Variants in DNAAF9 observed in about 807,000 individuals in gnomAD.
DNAAF9 encodes shulin.
Under a neutral mutation model 167.0 loss-of-function variants are expected in DNAAF9, and 90 were observed. The observed-to-expected ratio is 0.54, with a 90% confidence interval of 0.45 to 0.64. The LOEUF (loss-of-function observed/expected upper bound fraction) is 0.64, where lower values mean the gene tolerates loss of function less well. Ranked by LOEUF, DNAAF9 falls within the 30% of genes least tolerant of loss-of-function variation. The pLI, the probability that DNAAF9 is intolerant of heterozygous loss-of-function variation, is 0.00. For synonymous variants in DNAAF9, 491 were observed against 508.8 expected (o/e 0.96, Z 0.47); for missense variants, 1,315 against 1,442.2 (o/e 0.91, Z 1.43).
intron 1 of DNAAF9, among the ~76,000 whole-genome samples, chr20:3,397,031 G>C (rs1247699636): frequency 6.6e-6 from 1 of 152,138 alleles, no homozygotes; most frequent in Non-Finnish European, 1.5e-5. Context: ...CAGACTGCTT[G>C]AGCCCAGGAG....
intron 7 of DNAAF9, among the ~76,000 whole-genome samples, chr20:3,355,475 T>C (rs1296078061): frequency 6.6e-6 from 1 of 151,848 alleles, no homozygotes; most frequent in Non-Finnish European, 1.5e-5. Flanking sequence ...CTCAGGAGGC[T>C]GAGGTATGAG....
chr20:3,373,631 TACAAACAACAACAAG>T (rs2083538460), intron 6 of DNAAF9, among the ~76,000 whole-genome samples: 1 of 152,228 alleles, frequency 6.6e-6, no homozygotes, highest in Admixed American at 6.5e-5. Flanking sequence ...ATTTCTGAGG[TACAAACAACAACAAG>T]TTATGTTTTT....
intron 27 of DNAAF9, among the ~76,000 whole-genome samples, chr20:3,283,261 G>A (rs2068792055): frequency 6.6e-6 from 1 of 152,234 alleles, no homozygotes; most frequent in African/African-American, 2.4e-5. Context: ...GGAAGCCAGT[G>A]GTGGTGGTAT....
intron 33 of DNAAF9, among the ~76,000 whole-genome samples, chr20:3,256,986 G>C (rs942194230): frequency 6.6e-6 from 1 of 152,092 alleles, no homozygotes; most frequent in Non-Finnish European, 1.5e-5. Context: ...GGGCAACAGA[G>C]CAAGACCCTG....
intron 6 of DNAAF9, among the ~76,000 whole-genome samples, chr20:3,368,276 T>C (rs368457313): frequency 5.3e-5 from 8 of 152,298 alleles, no homozygotes; most frequent in Admixed American, 3.3e-4. Flanking sequence ...CTATGCTGTG[T>C]CTGGAAACTT....
At chr20:3,283,921 A>T (rs1467917217) in intron 27 of DNAAF9, among the ~76,000 whole-genome samples, 4 of 152,114 alleles carry the variant, frequency 2.6e-5, no homozygotes, top group Non-Finnish European at 5.9e-5. Context: ...TTTTCAGAGC[A>T]TTTCATTAAT....
At chr20:3,259,614 A>C in intron 32 of DNAAF9, 60 bp from the exon 33 acceptor site, 1 of 1,204,556 alleles carries the variant, frequency 8.3e-7, no homozygotes, top group Non-Finnish European at 1.2e-6. Flanking sequence ...AATTCAGGAC[A>C]GCACAGCTGG....
At chr20:3,279,010 T>C (rs2122850535) in intron 28 of DNAAF9, 61 bp from the exon 29 acceptor site, 5 of 1,239,032 alleles carry the variant, frequency 4.0e-6, no homozygotes, top group Middle Eastern at 3.8e-4. Flanking sequence ...TCACTGATTA[T>C]TTCCCATACA....
intron 27 of DNAAF9, among the ~76,000 whole-genome samples, chr20:3,284,634 GA>G (rs1256181615): frequency 6.6e-6 from 1 of 152,078 alleles, no homozygotes; most frequent in Non-Finnish European, 1.5e-5. Context: ...TCTTTTCTCT[GA>G]AACAACAGAT....
chr20:3,294,422 T>A, intron 24 of DNAAF9, 106 bp downstream of exon 24: 1 of 828,002 alleles, frequency 1.2e-6, no homozygotes, highest in Admixed American at 2.2e-5. Context: ...TTTACAGTGA[T>A]CTCTAAGAAA....
intron 6 of DNAAF9, chr20:3,361,753 A>C (rs943755445): frequency 1.5e-4 from 132 of 885,572 alleles, no homozygotes; most frequent in Non-Finnish European, 1.5e-4. Flanking sequence ...CTTCCTTTGA[A>C]TGGGAGCTTC....
intron 1 of DNAAF9, among the ~76,000 whole-genome samples, chr20:3,392,064 C>CT (rs1376672184): frequency 6.6e-6 from 1 of 152,174 alleles, no homozygotes; most frequent in African/African-American, 2.4e-5. Flanking sequence ...GTCCCAACTA[C>CT]TTAGGAGGTT....
intron 26 of DNAAF9, among the ~76,000 whole-genome samples, chr20:3,288,425 G>A (rs1190855682): frequency 7.9e-5 from 12 of 152,146 alleles, no homozygotes; most frequent in Non-Finnish European, 1.2e-4. Context: ...ACTCCAGCCT[G>A]GGCAACAAGA....
At chr20:3,277,084 T>C (rs2068687084) in intron 29 of DNAAF9, among the ~76,000 whole-genome samples, 1 of 152,040 alleles carries the variant, frequency 6.6e-6, no homozygotes, top group African/African-American at 2.4e-5. Flanking sequence ...TCTCTAGCCA[T>C]CTTCCTTTTT....
rs1435998224 is a variant in DNAAF9, at chr20:3,339,501, ATTC to A, written c.981+1000_981+1002del. ...GCCAGGGACTTCAAATCCCTCTAGT[ATTC>A]TTCTATTTTTCTTCCCCATTTTTCT... On this transcript the variant is annotated intron_variant, in intron 10 of 36. Coordinates refer to ENST00000252032, the MANE Select transcript of DNAAF9 (RefSeq NM_001009984.3). Among the ~76,000 whole-genome samples the A allele has an allele frequency of 3.3e-5, 5 of 152,222 alleles. No individual in the cohort carries two copies. The East Asian group carries it at 5.8e-4, about 18-fold the overall frequency.
intron 30 of DNAAF9, among the ~76,000 whole-genome samples, chr20:3,266,209 G>T (rs2068487429): frequency 6.6e-6 from 1 of 152,178 alleles, no homozygotes; most frequent in Non-Finnish European, 1.5e-5. Context: ...GAGGTACAGG[G>T]TATCAGTTTG....
chr20:3,396,701 T>C (rs2083912080), intron 1 of DNAAF9, among the ~76,000 whole-genome samples: 1 of 151,432 alleles, frequency 6.6e-6, no homozygotes, highest in African/African-American at 2.4e-5. Flanking sequence ...CTGAAGGGAG[T>C]GTCACTGAGC....
intron 7 of DNAAF9, among the ~76,000 whole-genome samples, chr20:3,354,037 T>C (rs531860280): frequency 6.6e-6 from 1 of 152,316 alleles, no homozygotes; most frequent in South Asian, 2.1e-4. Flanking sequence ...ATATGAAATG[T>C]TATTTTATGT....
Position 3,351,044 on chromosome 20 carries a change from C to T in DNAAF9, c.691-2421G>A, listed in dbSNP as rs7267285. On this transcript the variant is annotated intron_variant, in intron 7 of 36. Coordinates refer to ENST00000252032, the MANE Select transcript of DNAAF9 (RefSeq NM_001009984.3). ...AAGAGAACCAATTAGACATTATGTG[C>T]TTCTTGATAAAGAATATAACACCCT... Among the ~76,000 whole-genome samples, 994 of 152,264 alleles carry T rather than the reference C, an allele frequency of 6.5e-3. 9 individuals carry two copies. The highest frequency in any genetic ancestry group is 0.023 in the African/African-American group (956 of 41,546).
Sources: allele counts gnomAD v4.1 joint callset (sites outside exome capture counted in the v4.1 genomes callset), GRCh38; gene constraint gnomAD v4.1.1; transcripts MANE v1.5; gene names NCBI Gene and HGNC (gene_info 2026-07-23, HGNC 2026-07-21).